The following ENKUR variants were observed in gnomAD, a reference collection of about 807,000 sequenced individuals.
ENKUR encodes enkurin.
In ENKUR, 19 loss-of-function variants were observed where a neutral mutation model predicts 27.6. That is an observed-to-expected ratio of 0.69 (90% CI 0.48 to 1.01). ENKUR has a LOEUF of 1.01. Ranked by LOEUF, ENKUR falls within the 50% of genes least tolerant of loss-of-function variation. The pLI, the probability that ENKUR is intolerant of heterozygous loss-of-function variation, is 0.00. For missense variants in ENKUR, 312 were observed against 310.5 expected (o/e 1.00, Z -0.04); for synonymous variants, 117 against 96.9 (o/e 1.21, Z -1.22).
intron 2 of ENKUR, among the ~76,000 whole-genome samples, chr10:25,021,404 G>A (rs932009764): frequency 6.6e-6 from 1 of 152,134 alleles, no homozygotes; most frequent in African/African-American, 2.4e-5. Context: ...GCTTTAGTCT[G>A]CTGACTTTTT....
intron 2 of ENKUR, among the ~76,000 whole-genome samples, chr10:25,052,087 C>T (rs1330638278): frequency 6.6e-6 from 1 of 152,194 alleles, no homozygotes; most frequent in Non-Finnish European, 1.5e-5. Context: ...TTATCATTAA[C>T]TAGAAAGTTA....
At chr10:25,033,823 G>GTGTC (rs1049415679) in intron 2 of ENKUR, among the ~76,000 whole-genome samples, 38 of 125,808 alleles carry the variant, frequency 3.0e-4, no homozygotes, top group Middle Eastern at 8.1e-3. Context: ...GTGTGTGTGT[G>GTGTC]TGTCTATCTA....
chr10:25,053,497 C>T (rs1010886791), intron 2 of ENKUR, among the ~76,000 whole-genome samples: 6 of 152,144 alleles, frequency 3.9e-5, no homozygotes, highest in Non-Finnish European at 1.5e-5. Context: ...CCTAGGAGTT[C>T]ACTGTTTTAG....
intron 1 of ENKUR, among the ~76,000 whole-genome samples, chr10:25,010,764 G>A (rs1850424863): frequency 7.1e-6 from 1 of 140,428 alleles, no homozygotes; most frequent in Non-Finnish European, 1.6e-5. Flanking sequence ...TCCCTACAAA[G>A]GACATGAACT....
At chr10:25,012,970 G>A (rs1850484800) in intron 1 of ENKUR, among the ~76,000 whole-genome samples, 2 of 152,170 alleles carry the variant, frequency 1.3e-5, no homozygotes, top group South Asian at 4.1e-4. Context: ...GAGGGATCTG[G>A]TGATAGGTAA....
At chr10:25,037,996 T>C (rs965906720) in intron 2 of ENKUR, among the ~76,000 whole-genome samples, 17 of 152,204 alleles carry the variant, frequency 1.1e-4, no homozygotes, top group African/African-American at 3.6e-4. Flanking sequence ...GTAAAATAGA[T>C]CCCACAATAA....
intron 2 of ENKUR, among the ~76,000 whole-genome samples, chr10:25,031,984 A>C (rs947818612): frequency 2.0e-5 from 3 of 152,040 alleles, no homozygotes; most frequent in Non-Finnish European, 2.9e-5. Flanking sequence ...AAGGAATTTA[A>C]TTATAGTTAG....
At chr10:25,034,477 A>G (rs1304224159) in intron 2 of ENKUR, among the ~76,000 whole-genome samples, 1 of 152,190 alleles carries the variant, frequency 6.6e-6, no homozygotes, top group East Asian at 1.9e-4. Flanking sequence ...CAATTTGACA[A>G]AATTTAAGAT....
intron 2 of ENKUR, among the ~76,000 whole-genome samples, chr10:25,038,828 T>C (rs748101586): frequency 3.9e-5 from 6 of 152,236 alleles, no homozygotes; most frequent in Admixed American, 6.5e-5. Flanking sequence ...AAGGTATCTG[T>C]TTCTCATAAT....
At chr10:24,989,233 A>G (rs1849871880) in intron 4 of ENKUR, among the ~76,000 whole-genome samples, 2 of 152,200 alleles carry the variant, frequency 1.3e-5, no homozygotes, top group Admixed American at 6.5e-5. Flanking sequence ...TGAAAATGAC[A>G]TGCCAATTCT....
chr10:25,061,181 A>T, exon 2 of ENKUR: 1 of 1,535,708 alleles, frequency 6.5e-7, no homozygotes, highest in Non-Finnish European at 8.7e-7. Context: ...TAAGAAGTTC[A>T]TAGGTGTTGG....
chr10:24,990,549 C>T lies in ENKUR; in HGVS notation c.508G>A (p.Glu170Lys), dbSNP rs1244706478. The change falls in exon 4 of 6, where the codon GAA becomes AAA. Residue 170 changes from glutamate (E) to lysine (K), a missense_variant. Coordinates refer to ENST00000331161, the MANE Select transcript of ENKUR (RefSeq NM_145010.4). The stretch of plus-strand genomic sequence containing the variant: ...TCCTGGATATAACGATCATAGTCTT[C>T]TTGGGCTTTCTTTATTTCCTCGTTT... ...KRNEEIKKAQ[E>K]DYDRYIQENL... 1.2e-6 allele frequency: 2 copies of T among 1,613,828 alleles called. No individual in the cohort carries two copies. Among genetic ancestry groups the T allele is most frequent in the East Asian group, 2.2e-5 (1 of 44,856 alleles).
chr10:25,055,487 T>C (rs1245776959), intron 2 of ENKUR, among the ~76,000 whole-genome samples: 1 of 140,970 alleles, frequency 7.1e-6, no homozygotes, highest in East Asian at 2.1e-4. Flanking sequence ...CCCTGTAGTA[T>C]AATCTCTCTC....
intron 2 of ENKUR, among the ~76,000 whole-genome samples, chr10:25,051,838 C>T (rs964619520): frequency 4.6e-5 from 7 of 152,146 alleles, no homozygotes; most frequent in Non-Finnish European, 7.4e-5. Flanking sequence ...GGCTAATGAC[C>T]ACAAATCCAT....
intron 2 of ENKUR, among the ~76,000 whole-genome samples, chr10:25,028,159 A>G (rs545812677): frequency 1.3e-5 from 2 of 152,356 alleles, no homozygotes; most frequent in African/African-American, 4.8e-5. Context: ...AACAGGGAAG[A>G]TGAAATGCCC....
At chr10:25,045,563 AC>A (rs1171370395) in intron 2 of ENKUR, among the ~76,000 whole-genome samples, 1 of 152,218 alleles carries the variant, frequency 6.6e-6, no homozygotes, top group Non-Finnish European at 1.5e-5. Flanking sequence ...CTGCAGGCTA[AC>A]CATCCCTTGA....
At chr10:25,061,136 G>C (rs1448252672) in exon 2 of ENKUR, 3 of 1,536,002 alleles carry the variant, frequency 2.0e-6, no homozygotes, top group Admixed American at 3.9e-5. Flanking sequence ...CCAGTCACCC[G>C]CTCTGTCTTC....
intron 2 of ENKUR, among the ~76,000 whole-genome samples, chr10:25,046,316 A>C (rs1443740307): frequency 6.6e-6 from 1 of 152,204 alleles, no homozygotes; most frequent in Non-Finnish European, 1.5e-5. Context: ...AAAAAAGTTC[A>C]CAACCAGTAG....
rs1167721147 is a variant in ENKUR, at chr10:24,995,670, T to C, written c.423A>G (p.Leu141=). The change falls in exon 3 of 6, where the codon CTA becomes CTG. Residue 141 remains leucine, a synonymous_variant. Coordinates refer to ENST00000331161, the MANE Select transcript of ENKUR (RefSeq NM_145010.4). ...GDKHDLEPSG[L]VPKYINKKDY... The stretch of plus-strand genomic sequence containing the variant: ...CCTTTTTATTGATGTACTTTGGAAC[T>C]AGTCCTGAAGGCTCAAGATCATGCT... The C allele has an allele frequency of 1.9e-6, 3 of 1,613,272 alleles. No individual in the cohort carries two copies. Among genetic ancestry groups the C allele is most frequent in the South Asian group, 2.2e-5 (2 of 90,654 alleles).
Sources: allele counts gnomAD v4.1 joint callset (sites outside exome capture counted in the v4.1 genomes callset), GRCh38; gene constraint gnomAD v4.1.1; transcripts MANE v1.5; gene names NCBI Gene and HGNC (gene_info 2026-07-23, HGNC 2026-07-21).